The following PDE4D variants were observed in gnomAD, a reference collection of about 807,000 sequenced individuals.
PDE4D encodes the protein phosphodiesterase 4D, also known as 3',5'-cyclic-AMP phosphodiesterase 4D.
In PDE4D, 24 loss-of-function variants were observed where a neutral mutation model predicts 87.4. That is an observed-to-expected ratio of 0.27 (90% CI 0.20 to 0.39). The LOEUF is 0.39. Among genes scored for constraint, PDE4D ranks in the 10% least tolerant of loss-of-function variants. The pLI is 1.00. For missense variants in PDE4D, 714 were observed against 1,041.0 expected, an observed-to-expected ratio of 0.69 and a Z score of 4.32; for synonymous variants, 384 against 383.2, an observed-to-expected ratio of 1.00 and a Z score of -0.02.
Position 58,975,663 on chromosome 5 carries a change from T to C in PDE4D, c.2007A>G (p.Lys669=). ...TATACACTTCATGCATTACCTGTGA[T>C]TTTTCCACGGAAGCATTGTGCTTGT... ...MCDKHNASVE[K]SQVGFIDYIV... is the part of the protein sequence containing the mutation. The change falls in exon 14 of 15, where the codon AAA becomes AAG. Residue 669 remains lysine (K), a synonymous_variant. Coordinates refer to ENST00000340635, the MANE Select transcript of PDE4D (RefSeq NM_001104631.2). This position sits in a 1 kb window ranked among gnomAD's most constrained non-coding sequence, Gnocchi z 4.2. The C allele has an allele frequency of 6.3e-7, 1 of 1,593,820 alleles. No individual in the cohort carries two copies. The highest frequency in any genetic ancestry group is 8.5e-7 in the Non-Finnish European group (1 of 1,169,590).
rs915129981 is a variant in PDE4D at position 59,460,646 on chromosome 5, C to T, written c.456-244678G>A. 7.2e-5 allele frequency among the ~76,000 whole-genome samples: 11 copies of T among 152,252 alleles called. No homozygotes were observed. The South Asian group carries it at 1.0e-3, about 14-fold the overall frequency. On this transcript the variant is annotated intron_variant, in intron 1 of 14. Coordinates refer to ENST00000340635, the MANE Select transcript of PDE4D (RefSeq NM_001104631.2). Reference sequence around the variant, plus strand: ...CCCTGAAATACAGCTTCCAAGAAGACGGGTGACTGCCTTTTCCTGGAAAAA... The same window carrying T: ...CCCTGAAATACAGCTTCCAAGAAGATGGGTGACTGCCTTTTCCTGGAAAAA...
At chr5:59,058,707 G>A (rs1341140833) in intron 5 of PDE4D, among the ~76,000 whole-genome samples, 2 of 151,666 alleles carry the variant, frequency 1.3e-5, no homozygotes, top group African/African-American at 4.8e-5. Context: ...CTCAATCACA[G>A]CATTCAGGAG....
chr5:60,140,270 TGG>T (rs1780415040), intron 2 of PDE4D, among the ~76,000 whole-genome samples: 1 of 152,092 alleles, frequency 6.6e-6, no homozygotes, highest in African/African-American at 2.4e-5. Flanking sequence ...CAAATAAATT[TGG>T]GAAATGTGTA....
intron 1 of PDE4D, 140 bp downstream of exon 1, chr5:59,893,026 CCT>C (rs890611942): frequency 3.7e-5 from 30 of 801,046 alleles, no homozygotes; most frequent in Non-Finnish European, 5.9e-5. Context: ...TAGGCACACC[CCT>C]GTTTGTCCTC....
intron 1 of PDE4D, among the ~76,000 whole-genome samples, chr5:60,265,220 T>C (rs1046121963): frequency 2.0e-5 from 3 of 152,048 alleles, no homozygotes; most frequent in Non-Finnish European, 4.4e-5. Flanking sequence ...GGGAGGACAA[T>C]GCACCCCACA....
intron 1 of PDE4D, among the ~76,000 whole-genome samples, chr5:59,375,534 A>C (rs1784563975): frequency 6.6e-6 from 1 of 152,170 alleles, no homozygotes; most frequent in Non-Finnish European, 1.5e-5. Flanking sequence ...ACTGAAATTG[A>C]GTCAGTAATA....
intron 3 of PDE4D, among the ~76,000 whole-genome samples, chr5:59,926,289 A>C (rs1755265626): frequency 6.6e-6 from 1 of 152,166 alleles, no homozygotes; most frequent in African/African-American, 2.4e-5. Context: ...AAATTAAGGA[A>C]ATTGAAACAT....
At chr5:59,468,629 G>T (rs1379746373) in intron 1 of PDE4D, among the ~76,000 whole-genome samples, 2 of 152,150 alleles carry the variant, frequency 1.3e-5, no homozygotes, top group African/African-American at 4.8e-5. Flanking sequence ...AGCAAAAGGG[G>T]TATGCCTTGG....
At chr5:60,281,558 G>A (rs1269588594) in intron 1 of PDE4D, among the ~76,000 whole-genome samples, 1 of 152,058 alleles carries the variant, frequency 6.6e-6, no homozygotes, top group Non-Finnish European at 1.5e-5. Flanking sequence ...TATTCTAAAT[G>A]ATAATAAATT....
chr5:59,797,743 G>T (rs1475278092), intron 1 of PDE4D, among the ~76,000 whole-genome samples: 1 of 152,078 alleles, frequency 6.6e-6, no homozygotes, highest in Non-Finnish European at 1.5e-5. Context: ...AGCATCTGTT[G>T]TTTAAGCATA....
intron 1 of PDE4D, among the ~76,000 whole-genome samples, chr5:59,730,959 C>G (rs898251899): frequency 6.6e-6 from 1 of 152,074 alleles, no homozygotes; most frequent in African/African-American, 2.4e-5. Flanking sequence ...CTTTTTATAT[C>G]TCACCAACTA....
At chr5:59,830,924 T>TA (rs1741099821) in intron 1 of PDE4D, among the ~76,000 whole-genome samples, 1 of 152,062 alleles carries the variant, frequency 6.6e-6, no homozygotes, top group Non-Finnish European at 1.5e-5. Flanking sequence ...GTTAAGAAAC[T>TA]ATCCCTGTAG....
At chr5:59,465,088 T>C (rs1484170598) in intron 1 of PDE4D, among the ~76,000 whole-genome samples, 3 of 152,120 alleles carry the variant, frequency 2.0e-5, no homozygotes, top group African/African-American at 7.2e-5. Context: ...CTAATATGTC[T>C]ATAAGGTTTT....
intron 1 of PDE4D, among the ~76,000 whole-genome samples, chr5:60,235,708 G>A (rs1746350845): frequency 6.6e-6 from 1 of 151,762 alleles, no homozygotes; most frequent in Non-Finnish European, 1.5e-5. Context: ...ACAGCTATTA[G>A]TCTCCAATCC....
intron 2 of PDE4D, among the ~76,000 whole-genome samples, chr5:60,138,762 CATT>C (rs953179314): frequency 1.3e-5 from 2 of 151,976 alleles, no homozygotes; most frequent in African/African-American, 4.8e-5. Context: ...AAGCCACAGT[CATT>C]AATATCAGTA....
chr5:59,971,329 C>T (rs1760733096), intron 3 of PDE4D, among the ~76,000 whole-genome samples: 4 of 144,900 alleles, frequency 2.8e-5, no homozygotes, highest in Admixed American at 2.7e-4. Context: ...GCACAATGTA[C>T]ACATGTACCC....
At chr5:59,557,852 G>A (rs1819230457) in intron 1 of PDE4D, among the ~76,000 whole-genome samples, 1 of 152,164 alleles carries the variant, frequency 6.6e-6, no homozygotes, top group Non-Finnish European at 1.5e-5. Context: ...GGCAATAACT[G>A]CATCAGGGAA....
At chr5:59,786,863 A>G (rs766353134) in intron 1 of PDE4D, among the ~76,000 whole-genome samples, 6 of 151,388 alleles carry the variant, frequency 4.0e-5, no homozygotes, top group African/African-American at 1.5e-4. Flanking sequence ...CTTTTTCAAC[A>G]TTTTTTTTTC....
chr5:59,258,477 A>G (rs1761382457), intron 1 of PDE4D, among the ~76,000 whole-genome samples: 1 of 151,906 alleles, frequency 6.6e-6, no homozygotes, highest in African/African-American at 2.4e-5. Flanking sequence ...TTTTTTCTGT[A>G]TAGAAACTAC....
Sources: allele counts gnomAD v4.1 joint callset (sites outside exome capture counted in the v4.1 genomes callset), GRCh38; gene constraint gnomAD v4.1.1; non-coding constraint Gnocchi (gnomAD v3.1); transcripts MANE v1.5; gene names NCBI Gene and HGNC (gene_info 2026-07-23, HGNC 2026-07-21).